PIK3C2G: variants seen among roughly 807,000 people sequenced by gnomAD.
PIK3C2G encodes phosphatidylinositol 3-kinase C2 domain-containing subunit gamma.
In PIK3C2G, 168 loss-of-function variants were observed where a neutral mutation model predicts 181.1. The ratio of observed to expected loss-of-function variants is 0.93; its 90% CI spans 0.82 to 1.05. The LOEUF is 1.05. PIK3C2G is among the 50% of genes least tolerant of loss of function. PIK3C2G has a pLI of 0.00. For synonymous variants in PIK3C2G, 573 were observed against 592.2 expected (o/e 0.97, Z 0.47); for missense variants, 1,869 against 1,732.8 (o/e 1.08, Z -1.40).
chr12:18,641,877 G>A (rs371783440), intron 32 of PIK3C2G, among the ~76,000 whole-genome samples: 1 of 151,146 alleles, frequency 6.6e-6, no homozygotes, highest in African/African-American at 2.4e-5. Flanking sequence ...AGCCACCCGA[G>A]TAACTGAGAT....
chr12:18,459,600 A>T (rs1178118914), intron 18 of PIK3C2G, among the ~76,000 whole-genome samples: 2 of 152,212 alleles, frequency 1.3e-5, no homozygotes, highest in Non-Finnish European at 2.9e-5. Context: ...TATTTGGATT[A>T]TATATTGGAA....
intron 18 of PIK3C2G, among the ~76,000 whole-genome samples, chr12:18,427,713 A>C (rs894171309): frequency 2.6e-5 from 4 of 151,992 alleles, no homozygotes; most frequent in Non-Finnish European, 4.4e-5. Context: ...ATTCATGTAA[A>C]CACAATTACG....
At chr12:18,463,494 C>T (rs1948032307) in intron 18 of PIK3C2G, among the ~76,000 whole-genome samples, 1 of 152,086 alleles carries the variant, frequency 6.6e-6, no homozygotes, top group African/African-American at 2.4e-5. Flanking sequence ...CATGAGGATC[C>T]CTGTTAAACA....
At chr12:18,297,466 T>C (rs1272371143) in intron 5 of PIK3C2G, among the ~76,000 whole-genome samples, 1 of 152,128 alleles carries the variant, frequency 6.6e-6, no homozygotes, top group Non-Finnish European at 1.5e-5. Context: ...CTACATAGAA[T>C]GTATAATGAT....
chr12:18,326,292 G>A (rs1951343618), intron 8 of PIK3C2G, among the ~76,000 whole-genome samples: 1 of 152,020 alleles, frequency 6.6e-6, no homozygotes. Context: ...CTTCTTCCAG[G>A]GAAGGTTTAG....
At chr12:18,311,013 A>C (rs933421000) in intron 5 of PIK3C2G, among the ~76,000 whole-genome samples, 2 of 152,060 alleles carry the variant, frequency 1.3e-5, no homozygotes, top group Non-Finnish European at 2.9e-5. Flanking sequence ...TTCCAGAAAA[A>C]GGGAAAGGGA....
At chr12:18,272,876 T>G (rs778727258) in intron 1 of PIK3C2G, among the ~76,000 whole-genome samples, 1 of 152,146 alleles carries the variant, frequency 6.6e-6, no homozygotes, top group African/African-American at 2.4e-5. Flanking sequence ...CTGCTTTCTT[T>G]TACTAGGTAA....
intron 31 of PIK3C2G, among the ~76,000 whole-genome samples, chr12:18,617,397 A>C (rs1948651610): frequency 6.6e-6 from 1 of 152,130 alleles, no homozygotes; most frequent in South Asian, 2.1e-4. Context: ...TATCATGAAA[A>C]GCTTTTTTGC....
chr12:18,548,698 A>G (rs769663302), intron 26 of PIK3C2G, among the ~76,000 whole-genome samples: 6 of 151,990 alleles, frequency 3.9e-5, no homozygotes, highest in Non-Finnish European at 8.8e-5. Context: ...GTTATGTGGT[A>G]TGTTCTGTTA....
chr12:18,550,406 T>C (rs1345696703), intron 26 of PIK3C2G, among the ~76,000 whole-genome samples: 2 of 152,086 alleles, frequency 1.3e-5, no homozygotes, highest in African/African-American at 2.4e-5. Context: ...CTGTTAAAAA[T>C]AATGTAGACT....
intron 24 of PIK3C2G, among the ~76,000 whole-genome samples, chr12:18,527,299 G>A (rs1199386068): frequency 1.3e-5 from 2 of 152,124 alleles, no homozygotes; most frequent in Non-Finnish European, 2.9e-5. Flanking sequence ...CTTAGTATAA[G>A]AACTTTATGT....
intron 8 of PIK3C2G, among the ~76,000 whole-genome samples, chr12:18,333,517 A>C (rs996935562): frequency 6.6e-6 from 1 of 151,970 alleles, no homozygotes; most frequent in African/African-American, 2.4e-5. Flanking sequence ...ACTCCCACTT[A>C]TGAATGAGAA....
intron 24 of PIK3C2G, among the ~76,000 whole-genome samples, chr12:18,535,359 A>G (rs1468071033): frequency 6.6e-6 from 1 of 152,124 alleles, no homozygotes; most frequent in Non-Finnish European, 1.5e-5. Flanking sequence ...GACTATGATA[A>G]TGTTTAAGCA....
At chr12:18,350,410 G>A (rs1158695202) in intron 11 of PIK3C2G, among the ~76,000 whole-genome samples, 1 of 152,082 alleles carries the variant, frequency 6.6e-6, no homozygotes, top group Non-Finnish European at 1.5e-5. Flanking sequence ...TACATATTAT[G>A]TAATAAAGTA....
At chr12:18,637,968 G>A (rs956979576) in intron 31 of PIK3C2G, among the ~76,000 whole-genome samples, 47 of 152,168 alleles carry the variant, frequency 3.1e-4, no homozygotes, top group African/African-American at 1.0e-3. Context: ...TAGTGAGCCC[G>A]AAACAACAAA....
intron 22 of PIK3C2G, among the ~76,000 whole-genome samples, chr12:18,502,698 T>G (rs928548529): frequency 1.3e-5 from 2 of 152,114 alleles, no homozygotes; most frequent in African/African-American, 4.8e-5. Flanking sequence ...CAATATATGC[T>G]CCCTTTAAAA....
At chr12:18,269,025 C>T (rs953770961) in intron 1 of PIK3C2G, among the ~76,000 whole-genome samples, 1 of 151,958 alleles carries the variant, frequency 6.6e-6, no homozygotes, top group African/African-American at 2.4e-5. Context: ...ATTCTCATGC[C>T]TCAGCCTCCC....
chr12:18,570,745 G>A (rs1426438959), intron 29 of PIK3C2G, among the ~76,000 whole-genome samples: 3 of 150,378 alleles, frequency 2.0e-5, no homozygotes, highest in Non-Finnish European at 4.4e-5. Flanking sequence ...CAGTGTGTGG[G>A]TATGAGTAGA....
At chr12:18,361,363 T>C (rs1192656658) in intron 11 of PIK3C2G, among the ~76,000 whole-genome samples, 1 of 152,208 alleles carries the variant, frequency 6.6e-6, no homozygotes, top group Non-Finnish European at 1.5e-5. Flanking sequence ...ATTTGTCATG[T>C]AATTTATACA....
Sources: gnomAD v4.1 joint callset for allele counts (sites outside exome capture counted in the v4.1 genomes callset) on GRCh38, gnomAD v4.1.1 for gene constraint, MANE v1.5 for transcripts, NCBI Gene and HGNC (gene_info 2026-07-23, HGNC 2026-07-21) for gene names.